COPB2: variants seen among roughly 807,000 people sequenced by gnomAD.
The protein encoded by COPB2 is coat protein complex I subunit beta 2.
COPB2 carries 16 observed loss-of-function variants against 120.8 expected under a neutral mutation model. That is an observed-to-expected ratio of 0.13 (90% CI 0.09 to 0.20). COPB2 has a LOEUF of 0.20. Among genes scored for constraint, COPB2 ranks in the 10% least tolerant of loss-of-function variants. The pLI, the probability that COPB2 is intolerant of heterozygous loss-of-function variation, is 1.00. For missense variants in COPB2, 794 were observed against 1,076.5 expected (o/e 0.74, Z 3.67); for synonymous variants, 332 against 366.3 (o/e 0.91, Z 1.07).
At position 139,373,256 on chromosome 3, in the gene COPB2, A is replaced by T; in HGVS notation, c.1051T>A (p.Cys351Ser). The T allele has an allele frequency of 1.2e-6, 2 of 1,614,088 alleles. No individual in the cohort carries two copies. Among genetic ancestry groups the T allele is most frequent in the Non-Finnish European group, 1.7e-6 (2 of 1,179,972 alleles). Residue 351 changes from cysteine to serine, a missense_variant, in exon 9 of 22, where the codon TGT becomes AGT. By Grantham distance (112) the Cys-to-Ser change is moderately radical. This residue lies in a region of COPB2 where 610 missense variants were observed against 866.7 expected (regional missense o/e 0.70). Transcript: ENST00000333188. ...TGAATAGTCTGAGGGTATATTTCACAACTGCCCATATCCTTTACTGCCAGT... is the reference window on the plus strand; with the variant it reads ...TGAATAGTCTGAGGGTATATTTCACTACTGCCCATATCCTTTACTGCCAGT... ...LPLAVKDMGS[C>S]EIYPQTIQHN...
At chr3:139,385,623 T>C (rs1057292539) in intron 1 of COPB2, among the ~76,000 whole-genome samples, 3 of 152,120 alleles carry the variant, frequency 2.0e-5, no homozygotes, top group African/African-American at 7.2e-5. Flanking sequence ...ACAATGAAAA[T>C]TGGAAAAATT....
At chr3:139,361,994 T>G (rs1481599469) in intron 16 of COPB2, among the ~76,000 whole-genome samples, 1 of 152,200 alleles carries the variant, frequency 6.6e-6, no homozygotes, top group African/African-American at 2.4e-5. Context: ...GCCTGCTCTA[T>G]TCAACACCAA....
chr3:139,365,415 AAT>A (rs1184713543), intron 15 of COPB2, among the ~76,000 whole-genome samples: 3 of 152,248 alleles, frequency 2.0e-5, no homozygotes, highest in African/African-American at 4.8e-5. Flanking sequence ...TAAATGGTTG[AAT>A]ATGTTTTAGG....
chr3:139,380,208 C>T (rs1941785918), intron 2 of COPB2: 1 of 151,950 alleles, frequency 6.6e-6, no homozygotes, highest in Admixed American at 6.6e-5. Context: ...GACGGGGTTT[C>T]ACCATGTTGG....
intron 17 of COPB2, among the ~76,000 whole-genome samples, chr3:139,360,252 G>A (rs1941387882): frequency 6.6e-6 from 1 of 151,782 alleles, no homozygotes; most frequent in South Asian, 2.1e-4. Flanking sequence ...GGCTGGGCGT[G>A]GTGGCTCACA....
At chr3:139,373,101 G>C in intron 9 of COPB2, 112 bp downstream of exon 9, 2 of 1,058,268 alleles carry the variant, frequency 1.9e-6, no homozygotes, top group Non-Finnish European at 2.9e-6. Context: ...CAGGGCAAAA[G>C]CACATTGAGG....
At position 139,368,173 on chromosome 3, in the gene COPB2, G is replaced by C. The variant is rs376845298; in HGVS notation, c.1517C>G (p.Thr506Ser). The C allele has an allele frequency of 5.0e-6, 8 of 1,613,510 alleles. No homozygotes were observed. In the African/African-American group the frequency reaches 5.3e-5, roughly 11 times the overall value. ...LAAQETHEGV[T>S]EDGIEDAFEV... Reference sequence around the variant, plus strand: ...AAAGGCATCTTCAATGCCATCTTCAGTAACTCCCTCATGTGTTTCCTGTGC... The same window carrying C: ...AAAGGCATCTTCAATGCCATCTTCACTAACTCCCTCATGTGTTTCCTGTGC... The change falls in exon 13 of 22, where the codon ACT becomes AGT. Residue 506 changes from threonine (T) to serine (S), a missense_variant. This residue lies in a region of COPB2 where 610 missense variants were observed against 866.7 expected (regional missense o/e 0.70). Coordinates refer to ENST00000333188, the MANE Select transcript of COPB2 (RefSeq NM_004766.3).
chr3:139,365,028 TAA>T (rs1941489464), intron 15 of COPB2, among the ~76,000 whole-genome samples: 1 of 152,172 alleles, frequency 6.6e-6, no homozygotes, highest in Non-Finnish European at 1.5e-5. Flanking sequence ...AATAAGATTT[TAA>T]AAGAGAATAG....
rs562032222 is a variant in COPB2 at position 139,388,753 on chromosome 3, G to A, written c.3+795C>T. 1.0e-3 allele frequency among the ~76,000 whole-genome samples: 156 copies of A among 150,402 alleles called. 1 individual carries two copies. The highest frequency in any genetic ancestry group is 3.6e-3 in the African/African-American group (148 of 40,918). ...CGATTCTCCTGCCTCAGCCTCCTGAGTAGCTGGGACTACAGGGGCCCGCCA... is the reference window on the plus strand; with the variant it reads ...CGATTCTCCTGCCTCAGCCTCCTGAATAGCTGGGACTACAGGGGCCCGCCA... On this transcript the variant is annotated intron_variant, in intron 1 of 21. Transcript: ENST00000333188.
chr3:139,360,150 A>G (rs996133279), intron 17 of COPB2, among the ~76,000 whole-genome samples: 5 of 151,340 alleles, frequency 3.3e-5, no homozygotes, highest in Non-Finnish European at 5.9e-5. Context: ...CATACATACA[A>G]TGGGGTGCAC....
In COPB2 at chr3:139,366,703, A is replaced by T; in HGVS notation, c.1749T>A (p.Ile583=). ...LYLGDKELNI[I]SYSLLVSVLE... ...GGACTGAAACCAGCAGGGAATAGCTAATGATGTTCAATTCTTTATCCCCCA... is the reference window on the plus strand; with the variant it reads ...GGACTGAAACCAGCAGGGAATAGCTTATGATGTTCAATTCTTTATCCCCCA... Residue 583 remains isoleucine, a synonymous_variant, in exon 15 of 22, where the codon ATT becomes ATA. Coordinates refer to ENST00000333188, the MANE Select transcript of COPB2 (RefSeq NM_004766.3). The T allele has an allele frequency of 6.2e-7, 1 of 1,614,118 alleles. No individual in the cohort carries two copies. The highest frequency in any genetic ancestry group is 8.5e-7 in the Non-Finnish European group (1 of 1,179,982).
At position 139,361,003 on chromosome 3, in the gene COPB2, C is replaced by G. The variant is rs922053443; in HGVS notation, c.2210+78G>C. The G allele has an allele frequency of 1.8e-5, 27 of 1,498,230 alleles. No individual in the cohort carries two copies. The African/African-American group carries it at 3.2e-4, about 18-fold the overall frequency. The allele number at this position is 1,498,230 out of a possible 1,614,324, so 92.8% of individuals were successfully genotyped here. A position where few individuals can be genotyped will look rare whatever the true frequency, so the allele number is the denominator to read the frequency against. Reference sequence around the variant, plus strand: ...CCATTTGGCCATTCATCAGTTCTCTCCAGGGTTCATTCTTCACTTCCCTCT... The same window carrying G: ...CCATTTGGCCATTCATCAGTTCTCTGCAGGGTTCATTCTTCACTTCCCTCT... On this transcript the variant is annotated intron_variant, in intron 17 of 21. Coordinates refer to ENST00000333188, the MANE Select transcript of COPB2 (RefSeq NM_004766.3).
intron 10 of COPB2, 56 bp from the exon 11 acceptor site, chr3:139,369,600 A>G (rs1171734899): frequency 9.4e-7 from 1 of 1,060,850 alleles, no homozygotes; most frequent in African/African-American, 1.6e-5. Flanking sequence ...TCATAGTTCT[A>G]CCAAATGTTG....
At chr3:139,376,144 C>A in intron 5 of COPB2, among the ~76,000 whole-genome samples, 1 of 152,304 alleles carries the variant, frequency 6.6e-6, no homozygotes, top group Admixed American at 6.5e-5. Flanking sequence ...GTAGTCCTAA[C>A]AACTCAGGAG....
At chr3:139,364,735 TG>T (rs759636927) in intron 15 of COPB2, among the ~76,000 whole-genome samples, 8 of 152,182 alleles carry the variant, frequency 5.3e-5, no homozygotes, top group Admixed American at 2.0e-4. Context: ...CCTAATCAAA[TG>T]GGCCAACCAC....
chr3:139,373,603 T>C, intron 8 of COPB2, 63 bp downstream of exon 8: 1 of 1,606,168 alleles, frequency 6.2e-7, no homozygotes, highest in East Asian at 2.2e-5. Flanking sequence ...AAGATGACAG[T>C]ACTAAAATAC....
chr3:139,379,063 G>T lies in COPB2; in HGVS notation c.339C>A (p.Phe113Leu). 1 of 1,600,278 alleles carries T rather than the reference G, an allele frequency of 6.2e-7. No homozygotes were observed. Among genetic ancestry groups the T allele is most frequent in the Non-Finnish European group, 8.5e-7 (1 of 1,176,418 alleles). ...RCIAVHPTQPFILTSSDDMLI... is the reference protein window; with the variant it reads ...RCIAVHPTQPLILTSSDDMLI... ...ATCTCTTACCACTGCTAGTTAGAAT[G>T]AAAGGCTGGGTTGGATGAACAGCAA... The change falls in exon 4 of 22, where the codon TTC (phenylalanine) becomes TTA (leucine). Residue 113 changes from phenylalanine (F) to leucine (L), a missense_variant. By Grantham distance (22) the Phe-to-Leu change is conservative. Coordinates refer to ENST00000333188, the MANE Select transcript of COPB2 (RefSeq NM_004766.3).
intron 21 of COPB2, 75 bp downstream of exon 21, chr3:139,358,125 G>C (rs1260811459): frequency 7.4e-7 from 1 of 1,342,432 alleles, no homozygotes; most frequent in Non-Finnish European, 1.1e-6. Flanking sequence ...AAACCACAGA[G>C]GCCTACGTAT....
At chr3:139,376,436 A>G (rs924029275) in intron 5 of COPB2, among the ~76,000 whole-genome samples, 5 of 152,188 alleles carry the variant, frequency 3.3e-5, no homozygotes, top group Non-Finnish European at 4.4e-5. Flanking sequence ...ATAAACGTGT[A>G]ACAAATGTTT....
Sources: allele counts gnomAD v4.1 joint callset (sites outside exome capture counted in the v4.1 genomes callset), GRCh38; gene constraint gnomAD v4.1.1; regional missense constraint gnomAD v4.1.1; transcripts MANE v1.5; gene names NCBI Gene and HGNC (gene_info 2026-07-23, HGNC 2026-07-21).